GINS2: variants seen among roughly 807,000 people sequenced by gnomAD.
GINS2 encodes GINS complex subunit 2.
A neutral mutation model predicts 21.2 loss-of-function variants in GINS2; 23 were observed. The ratio of observed to expected loss-of-function variants is 1.08; its 90% CI spans 0.78 to 1.53. GINS2 has a LOEUF of 1.53. GINS2 is among the 40% of genes most tolerant of loss of function. The pLI is 0.00. For synonymous variants in GINS2, 118 were observed against 85.6 expected, an observed-to-expected ratio of 1.38 and a Z score of -2.09; for missense variants, 323 against 233.9, an observed-to-expected ratio of 1.38 and a Z score of -2.49.
chr16:85,684,843 A>C (rs1401041710), intron 2 of GINS2, among the ~76,000 whole-genome samples: 1 of 151,600 alleles, frequency 6.6e-6, no homozygotes. Context: ...GCTGGAGTAC[A>C]GTGGCGCGAT....
chr16:85,684,405 G>T (rs1216516720), intron 2 of GINS2, among the ~76,000 whole-genome samples: 1 of 152,168 alleles, frequency 6.6e-6, no homozygotes, highest in Admixed American at 6.5e-5. Flanking sequence ...TGAGATGGGA[G>T]GATCACTCGA....
intron 3 of GINS2, among the ~76,000 whole-genome samples, chr16:85,679,146 G>T (rs903805517): frequency 6.6e-6 from 1 of 152,150 alleles, no homozygotes; most frequent in African/African-American, 2.4e-5. Context: ...CCAGGTACTG[G>T]GCTCAGCACT....
chr16:85,678,069 C>T lies in GINS2; in HGVS notation c.*143G>A. The T allele has an allele frequency of 1.4e-6, 1 of 725,482 alleles. No homozygotes were observed. The highest frequency in any genetic ancestry group is 1.9e-5 in the South Asian group (1 of 52,210). The allele number at this position is 725,482 out of a possible 1,614,324, so 44.9% of individuals were successfully genotyped here. A position where few individuals can be genotyped will look rare whatever the true frequency, so the allele number is the denominator to read the frequency against. On this transcript the variant is annotated 3_prime_UTR_variant, in exon 5 of 5. Transcript: ENST00000253462. ...AAGGACTAATCACAAACTTGTTTCTCCAACAACATCCTGAATCCATTCCTT... is the reference window on the plus strand; with the variant it reads ...AAGGACTAATCACAAACTTGTTTCTTCAACAACATCCTGAATCCATTCCTT...
chr16:85,683,287 C>CTT (rs1355032573), intron 2 of GINS2, among the ~76,000 whole-genome samples: 3 of 152,062 alleles, frequency 2.0e-5, no homozygotes, highest in Admixed American at 6.5e-5. Flanking sequence ...ACAAAGAGCT[C>CTT]AGCTCCCAAC....
Position 85,678,250 on chromosome 16 carries a change from G to A in GINS2, c.520C>T (p.Leu174Phe), listed in dbSNP as rs762557229. 9 of 1,613,408 alleles carry A rather than the reference G, an allele frequency of 5.6e-6. No individual in the cohort carries two copies. Among genetic ancestry groups the A allele is most frequent in the East Asian group, 4.5e-5 (2 of 44,886 alleles). ...LNHMYKLRTN[L>F]QPLESTQSQD... ...GACTGAGTACTCTCCAGAGGCTGGA[G>A]GTTCGTGCGGAGTTTGTACATGTGG... Residue 174 changes from leucine (L) to phenylalanine (F), a missense_variant, in exon 5 of 5, where the codon CTC (leucine) becomes TTC (phenylalanine). By Grantham distance (22) the Leu-to-Phe change is conservative. Coordinates refer to ENST00000253462, the MANE Select transcript of GINS2 (RefSeq NM_016095.3).
chr16:85,685,851 G>C (rs1407765891), intron 2 of GINS2, among the ~76,000 whole-genome samples: 11 of 151,178 alleles, frequency 7.3e-5, no homozygotes, highest in Non-Finnish European at 1.6e-4. Flanking sequence ...TAGGAGGTAG[G>C]TACCCCCAAT....
intron 2 of GINS2, among the ~76,000 whole-genome samples, chr16:85,686,019 T>TC (rs200297305): frequency 6.6e-6 from 1 of 152,004 alleles, no homozygotes; most frequent in African/African-American, 2.4e-5. Context: ...AGATTTTTTT[T>TC]CCCTATAATA....
In GINS2 at chr16:85,678,022, A is replaced by C; in HGVS notation, c.*190T>G. 4 of 525,586 alleles carry C rather than the reference A, an allele frequency of 7.6e-6. No individual in the cohort carries two copies. Among genetic ancestry groups the C allele is most frequent in the Non-Finnish European group, 1.3e-5 (4 of 297,850 alleles). The allele number at this position is 525,586 out of a possible 1,614,324, so 32.6% of individuals were successfully genotyped here. A position where few individuals can be genotyped will look rare whatever the true frequency, so the allele number is the denominator to read the frequency against. ...CTAGAAACAGATGTGGAATTGAAGA[A>C]TGTCCCAGGGAGCTAAGTTTTAAGG... On this transcript the variant is annotated 3_prime_UTR_variant, in exon 5 of 5. Coordinates refer to ENST00000253462, the MANE Select transcript of GINS2 (RefSeq NM_016095.3).
intron 3 of GINS2, among the ~76,000 whole-genome samples, chr16:85,680,738 G>A (rs2053724692): frequency 6.6e-6 from 1 of 152,214 alleles, no homozygotes; most frequent in South Asian, 2.1e-4. Flanking sequence ...GTGAGCAGGG[G>A]CAGGGAAAGG....
chr16:85,678,328 A>T lies in GINS2; in HGVS notation c.442T>A (p.Leu148Met). 1.2e-6 allele frequency: 2 copies of T among 1,613,688 alleles called. No individual in the cohort carries two copies. The highest frequency in any genetic ancestry group is 2.2e-5 in the South Asian group (2 of 91,052). The change falls in exon 5 of 5, where the codon TTG becomes ATG. Residue 148 changes from leucine to methionine, a missense_variant. Coordinates refer to ENST00000253462, the MANE Select transcript of GINS2 (RefSeq NM_016095.3). ...CTGGTGTTGATCTCCATCAAGGTCA[A>T]GTTATCCAGCTAAAGCAAGAAAACA... is the stretch of plus-strand genomic sequence containing the variant. ...QQEAHAKLDN[L>M]TLMEINTSGT...
chr16:85,679,718 T>C (rs1241583349), intron 3 of GINS2, among the ~76,000 whole-genome samples: 3 of 152,262 alleles, frequency 2.0e-5, no homozygotes, highest in East Asian at 3.9e-4. Flanking sequence ...AAACAAAAAA[T>C]GGATAGGCCC....
Position 85,681,595 on chromosome 16 carries a change from G to C in GINS2, c.292C>G (p.Leu98Val). The C allele has an allele frequency of 6.3e-7, 1 of 1,598,378 alleles. No homozygotes were observed. The highest frequency in any genetic ancestry group is 8.6e-7 in the Non-Finnish European group (1 of 1,165,886). Reference sequence around the variant, plus strand: ...AGATCTACTTACTGATTTAACAGGAGCTTCGTAAGTTCCATGTAGTAAGGG... The same window carrying C: ...AGATCTACTTACTGATTTAACAGGACCTTCGTAAGTTCCATGTAGTAAGGG... ...PSPYYMELTKLLLNHASDNIP... is the reference protein window; with the variant it reads ...PSPYYMELTKVLLNHASDNIP... The change falls in exon 3 of 5, where the codon CTC becomes GTC. Residue 98 changes from leucine to valine, a missense_variant. Coordinates refer to ENST00000253462, the MANE Select transcript of GINS2 (RefSeq NM_016095.3).
intron 2 of GINS2, among the ~76,000 whole-genome samples, chr16:85,684,852 A>G (rs972630120): frequency 5.3e-5 from 8 of 151,608 alleles, no homozygotes; most frequent in Non-Finnish European, 8.8e-5. Context: ...CAGTGGCGCG[A>G]TCTCAGCTCA....
chr16:85,684,241 G>T (rs1316725881), intron 2 of GINS2, among the ~76,000 whole-genome samples: 1 of 152,164 alleles, frequency 6.6e-6, no homozygotes, highest in Admixed American at 6.5e-5. Flanking sequence ...AGCAGAAGTG[G>T]GAGGATCGCT....
At chr16:85,678,769 C>G (rs1176169766) in intron 3 of GINS2, 103 bp from the exon 4 acceptor site, 1 of 1,104,930 alleles carries the variant, frequency 9.1e-7, no homozygotes, top group Non-Finnish European at 1.3e-6. Flanking sequence ...CTATTCCAGA[C>G]TCAGAAAGTC....
At chr16:85,681,391 A>G (rs1335693731) in intron 3 of GINS2, among the ~76,000 whole-genome samples, 191 bp downstream of exon 3, 1 of 152,244 alleles carries the variant, frequency 6.6e-6, no homozygotes, top group African/African-American at 2.4e-5. Flanking sequence ...ACACACAGAG[A>G]CAGACAGAGT....
intron 3 of GINS2, 40 bp downstream of exon 3, chr16:85,681,542 C>G (rs751686556): frequency 1.2e-4 from 143 of 1,165,918 alleles, no homozygotes; most frequent in Non-Finnish European, 1.7e-4. Flanking sequence ...ATGGCGAGTC[C>G]AGTCTTGGGT....
intron 2 of GINS2, among the ~76,000 whole-genome samples, chr16:85,685,670 C>CAAAAAAAAAAAAA (rs752631926): frequency 4.9e-4 from 27 of 55,294 alleles, no homozygotes; most frequent in African/African-American, 1.5e-3. Context: ...GACCCTTTCT[C>CAAAAAAAAAAAAA]AAAAAAAAAA....
At chr16:85,682,309 C>G (rs2152051748) in intron 2 of GINS2, among the ~76,000 whole-genome samples, 1 of 152,256 alleles carries the variant, frequency 6.6e-6, no homozygotes, top group Admixed American at 6.5e-5. Flanking sequence ...GTCACCTGGT[C>G]AGTATTAGAC....
Sources: gnomAD v4.1 joint callset for allele counts (sites outside exome capture counted in the v4.1 genomes callset) on GRCh38, gnomAD v4.1.1 for gene constraint, MANE v1.5 for transcripts, NCBI Gene and HGNC (gene_info 2026-07-23, HGNC 2026-07-21) for gene names.